PDE4B: variants seen among roughly 807,000 people sequenced by gnomAD.
PDE4B encodes the protein phosphodiesterase 4B, also known as 3',5'-cyclic-AMP phosphodiesterase 4B.
PDE4B carries 20 observed loss-of-function variants against 82.2 expected under a neutral mutation model. The observed-to-expected ratio is 0.24, with a 90% CI of 0.17 to 0.35. The LOEUF (loss-of-function observed/expected upper bound fraction) is 0.35, where lower values mean the gene tolerates loss of function less well. PDE4B is among the 10% of genes least tolerant of loss of function. The pLI, the probability that PDE4B is intolerant of heterozygous loss-of-function variation, is 1.00. For synonymous variants in PDE4B, 320 were observed against 318.9 expected (o/e 1.00, Z -0.04); for missense variants, 655 against 907.2 (o/e 0.72, Z 3.57).
chr1:66,308,263 G>A (rs1189744487), intron 7 of PDE4B, among the ~76,000 whole-genome samples: 1 of 152,148 alleles, frequency 6.6e-6, no homozygotes, highest in Non-Finnish European at 1.5e-5. Context: ...AAGCAGTGGT[G>A]ACAGAGGAAG....
chr1:66,189,473 T>TCAGACG (rs1426115474), intron 3 of PDE4B, among the ~76,000 whole-genome samples: 1 of 152,236 alleles, frequency 6.6e-6, no homozygotes. Context: ...GGTACACCAA[T>TCAGACG]CAGACGTAGA....
At chr1:66,220,161 G>A (rs1206451101) in intron 3 of PDE4B, among the ~76,000 whole-genome samples, 2 of 152,156 alleles carry the variant, frequency 1.3e-5, no homozygotes, top group African/African-American at 4.8e-5. Flanking sequence ...CTGGGGCTGA[G>A]CAGCCAAAAA....
At chr1:65,821,646 G>A (rs1212313854) in intron 1 of PDE4B, among the ~76,000 whole-genome samples, 3 of 152,156 alleles carry the variant, frequency 2.0e-5, no homozygotes, top group South Asian at 4.2e-4. Context: ...TTAGATAATG[G>A]TACTAACTTC....
At chr1:65,912,795 C>T (rs1029009907) in intron 1 of PDE4B, among the ~76,000 whole-genome samples, 2 of 151,790 alleles carry the variant, frequency 1.3e-5, no homozygotes, top group Non-Finnish European at 2.9e-5. Flanking sequence ...TCTTTAAATT[C>T]TGAACTCGTC....
intron 1 of PDE4B, among the ~76,000 whole-genome samples, chr1:65,824,297 A>G (rs780390561): frequency 1.5e-4 from 23 of 152,206 alleles, no homozygotes; most frequent in Non-Finnish European, 2.5e-4. Flanking sequence ...TTGTTTAAGC[A>G]AACATATTTA....
chr1:66,242,755 AG>A (rs933476463), intron 3 of PDE4B, among the ~76,000 whole-genome samples: 2 of 110,896 alleles, frequency 1.8e-5, no homozygotes, highest in South Asian at 2.6e-4. Context: ...TTTTCCTCCC[AG>A]GCTTATGAAT....
At chr1:66,071,958 CA>C (rs546127510) in intron 3 of PDE4B, among the ~76,000 whole-genome samples, 102 of 152,184 alleles carry the variant, frequency 6.7e-4, no homozygotes, top group Admixed American at 1.7e-3. Flanking sequence ...GCCTAGGTGA[CA>C]TGCTGAAGGC....
chr1:65,930,676 C>G (rs1489668857), intron 3 of PDE4B, among the ~76,000 whole-genome samples: 5 of 152,234 alleles, frequency 3.3e-5, no homozygotes, highest in African/African-American at 1.2e-4. Flanking sequence ...GCTGATTTCT[C>G]TCTTTTGGAA....
intron 3 of PDE4B, among the ~76,000 whole-genome samples, chr1:66,188,902 A>G (rs1161319005): frequency 2.0e-5 from 3 of 152,160 alleles, no homozygotes; most frequent in Non-Finnish European, 2.9e-5. Context: ...TATTTTGCTC[A>G]TTAGTTGACG....
At chr1:66,266,330 G>A (rs1391539379) in intron 7 of PDE4B, among the ~76,000 whole-genome samples, 2 of 152,140 alleles carry the variant, frequency 1.3e-5, no homozygotes, top group African/African-American at 2.4e-5. Flanking sequence ...TGATAAACAT[G>A]GGGTAATGCT....
intron 3 of PDE4B, among the ~76,000 whole-genome samples, chr1:66,227,495 A>G (rs1275153472): frequency 6.6e-6 from 1 of 152,224 alleles, no homozygotes; most frequent in Non-Finnish European, 1.5e-5. Context: ...GAAAAATATA[A>G]ATATACAATA....
chr1:66,363,310 C>G (rs759649038), intron 11 of PDE4B, 44 bp downstream of exon 11: 1 of 1,540,288 alleles, frequency 6.5e-7, no homozygotes, highest in African/African-American at 1.4e-5. Context: ...TTGGATGGCT[C>G]TTTATGATTT....
chr1:66,023,692 C>T (rs1653273260), intron 3 of PDE4B, among the ~76,000 whole-genome samples: 1 of 152,002 alleles, frequency 6.6e-6, no homozygotes, highest in African/African-American at 2.4e-5. Context: ...CTATAATCCA[C>T]CTGAGGGAGA....
intron 3 of PDE4B, among the ~76,000 whole-genome samples, chr1:66,195,238 A>G (rs1648189676): frequency 6.6e-6 from 1 of 152,200 alleles, no homozygotes; most frequent in South Asian, 2.1e-4. Flanking sequence ...CCAGATGAAT[A>G]GGACTACCCT....
intron 3 of PDE4B, among the ~76,000 whole-genome samples, chr1:65,985,929 C>A (rs977567334): frequency 9.9e-5 from 15 of 151,884 alleles, no homozygotes; most frequent in Non-Finnish European, 2.2e-4. Flanking sequence ...TGCACTGCGG[C>A]AGGAATGTGA....
intron 3 of PDE4B, among the ~76,000 whole-genome samples, chr1:66,198,764 C>A (rs1035341084): frequency 6.6e-6 from 1 of 151,982 alleles, no homozygotes; most frequent in South Asian, 2.1e-4. Flanking sequence ...TCCCCCTTCC[C>A]CCCACCCCAC....
At chr1:66,319,001 G>C (rs1373459326) in intron 7 of PDE4B, among the ~76,000 whole-genome samples, 1 of 152,190 alleles carries the variant, frequency 6.6e-6, no homozygotes, top group African/African-American at 2.4e-5. Flanking sequence ...AACTTTAATG[G>C]CTTTGTTTGC....
chr1:66,149,134 T>C (rs1646340131), intron 3 of PDE4B, among the ~76,000 whole-genome samples: 1 of 152,210 alleles, frequency 6.6e-6, no homozygotes, highest in African/African-American at 2.4e-5. Context: ...TTGCCAATGC[T>C]TTTTACTGTT....
chr1:66,083,615 C>A (rs1656853454), intron 3 of PDE4B, among the ~76,000 whole-genome samples: 1 of 152,108 alleles, frequency 6.6e-6, no homozygotes, highest in Admixed American at 6.5e-5. Flanking sequence ...CAAATTCCTC[C>A]TTCTTTTCAC....
Sources: gnomAD v4.1 joint callset for allele counts (sites outside exome capture counted in the v4.1 genomes callset) on GRCh38, gnomAD v4.1.1 for gene constraint, MANE v1.5 for transcripts, NCBI Gene and HGNC (gene_info 2026-07-23, HGNC 2026-07-21) for gene names.